Variants in SRRM2 observed in about 807,000 individuals in gnomAD.
SRRM2 encodes serine/arginine repetitive matrix 2.
SRRM2 carries 30 observed loss-of-function variants against 213.8 expected under a neutral mutation model. That is an observed-to-expected ratio of 0.14 (90% CI 0.10 to 0.19). The LOEUF is 0.19. SRRM2 is among the 10% of genes least tolerant of loss of function. The pLI is 1.00. For missense variants in SRRM2, 4,904 were observed against 3,647.0 expected (o/e 1.34, Z -8.88); for synonymous variants, 2,025 against 1,377.7 (o/e 1.47, Z -10.40).
rs755369199 is a variant in SRRM2, at chr16:2,764,631, C to G, written c.4103C>G (p.Ser1368Cys). ...PFLNQLETDPSLDMKEQSTRS... is the reference protein window; with the variant it reads ...PFLNQLETDPCLDMKEQSTRS... ...CTTAATCAGCTGGAAACAGATCCAT[C>G]TCTAGACATGAAAGAACAATCGACA... Residue 1368 changes from serine to cysteine, a missense_variant, in exon 11 of 15, where the codon TCT becomes TGT. Ser to Cys is a moderately radical substitution (Grantham distance 112). Coordinates refer to ENST00000301740, the MANE Select transcript of SRRM2 (RefSeq NM_016333.4). 29 of 1,614,082 alleles carry G rather than the reference C, an allele frequency of 1.8e-5. No homozygotes were observed. Among genetic ancestry groups the G allele is most frequent in the Admixed American group, 1.0e-4 (6 of 60,004 alleles).
chr16:2,771,353 T>C lies in SRRM2; in HGVS notation c.*486T>C. 6.3e-7 allele frequency: 1 copy of C among 1,582,110 alleles called. No homozygotes were observed. The highest frequency in any genetic ancestry group is 8.7e-7 in the Non-Finnish European group (1 of 1,153,078). Reference sequence around the variant, plus strand: ...ATGTTTCTTAAAGGCATTTTGGTTTTTTAAAATCTGTACAGCAAGAGCAAC... The same window carrying C: ...ATGTTTCTTAAAGGCATTTTGGTTTCTTAAAATCTGTACAGCAAGAGCAAC... On this transcript the variant is annotated 3_prime_UTR_variant, in exon 15 of 15. Coordinates refer to ENST00000301740, the MANE Select transcript of SRRM2 (RefSeq NM_016333.4).
rs1488953875 is a variant in SRRM2, at chr16:2,763,673, T to A, written c.3145T>A (p.Tyr1049Asn). The A allele has an allele frequency of 1.2e-6, 2 of 1,614,100 alleles. No individual in the cohort carries two copies. Among genetic ancestry groups the A allele is most frequent in the Admixed American group, 3.3e-5 (2 of 60,004 alleles). ...ATCTAGCACACCACCAGGCGAGAGC[T>A]ATTTTGGTGTCTCATCTCTGCAACT... ...VKSSTPPGES[Y>N]FGVSSLQLKG... Residue 1049 changes from tyrosine to asparagine, a missense_variant, in exon 11 of 15, where the codon TAT becomes AAT. Tyr to Asn is a moderately radical substitution (Grantham distance 143). Coordinates refer to ENST00000301740, the MANE Select transcript of SRRM2 (RefSeq NM_016333.4).
rs368008330 is a variant in SRRM2, at chr16:2,765,422, C to T, written c.4894C>T (p.Leu1632Phe). 5.0e-6 allele frequency: 8 copies of T among 1,614,054 alleles called. No individual in the cohort carries two copies. The African/African-American group carries it at 8.0e-5, about 16-fold the overall frequency. Residue 1632 changes from leucine to phenylalanine, a missense_variant, in exon 11 of 15, where the codon CTT becomes TTT. By Grantham distance (22) the Leu-to-Phe change is conservative. Transcript: ENST00000301740. ...ACCTAAAGCTCCAGCCCCTCGGGCC[C>T]TTCCCAGACGAAGCAGATCAGGTTC... is the stretch of plus-strand genomic sequence containing the variant. ...PEPKAPAPRA[L>F]PRRSRSGSSS...
rs372217649 is a variant in SRRM2, at chr16:2,761,681, C to G, written c.1153C>G (p.Pro385Ala). 1.2e-6 allele frequency: 2 copies of G among 1,601,430 alleles called. No individual in the cohort carries two copies. Among genetic ancestry groups the G allele is most frequent in the Non-Finnish European group, 1.7e-6 (2 of 1,173,950 alleles). Reference protein sequence around the residue: ...GGSPQPLATTPLSQEPVNPPS... With the variant: ...GGSPQPLATTALSQEPVNPPS... ...CTCCCCACAACCCCTTGCAACCACC[C>G]CCTTAAGCCAGGAGCCAGTGAACCC... Residue 385 changes from proline (P) to alanine (A), a missense_variant, in exon 11 of 15, where the codon CCC (proline) becomes GCC (alanine). Transcript: ENST00000301740.
chr16:2,753,485 CTG>C (rs1291152291), intron 1 of SRRM2: 5 of 152,140 alleles, frequency 3.3e-5, no homozygotes, highest in East Asian at 1.9e-4. Context: ...ATCTTAAAAA[CTG>C]TGAAGAAAGT....
Position 2,763,692 on chromosome 16 carries a change from T to C in SRRM2, c.3164T>C (p.Leu1055Pro), listed in dbSNP as rs1308620020. The change falls in exon 11 of 15, where the codon CTG (leucine) becomes CCG (proline). Residue 1055 changes from leucine to proline, a missense_variant. Coordinates refer to ENST00000301740, the MANE Select transcript of SRRM2 (RefSeq NM_016333.4). ...GAGAGCTATTTTGGTGTCTCATCTC[T>C]GCAACTGAAAGGACAATCTCAAACT... ...PGESYFGVSS[L>P]QLKGQSQTSP... is the part of the protein sequence containing the mutation. The C allele has an allele frequency of 1.2e-6, 2 of 1,614,100 alleles. No homozygotes were observed. The highest frequency in any genetic ancestry group is 1.7e-6 in the Non-Finnish European group (2 of 1,180,052).
At chr16:2,755,138 G>A (rs916053865) in intron 1 of SRRM2, among the ~76,000 whole-genome samples, 1 of 152,130 alleles carries the variant, frequency 6.6e-6, no homozygotes, top group African/African-American at 2.4e-5. Context: ...AGAGGATGAG[G>A]GTGAGAAAGA....
At chr16:2,758,412 G>C (rs2068224440) in intron 4 of SRRM2, 58 bp from the exon 5 acceptor site, 6 of 1,386,860 alleles carry the variant, frequency 4.3e-6, no homozygotes, top group Non-Finnish European at 4.1e-6. Flanking sequence ...GTCTTTTAAA[G>C]AAAAGAAAGG....
intron 10 of SRRM2, among the ~76,000 whole-genome samples, chr16:2,761,234 C>A (rs983454082): frequency 3.9e-5 from 6 of 152,186 alleles, no homozygotes. Flanking sequence ...AGTTGCCATT[C>A]GCTTTAGGAA....
At position 2,758,467 on chromosome 16, in the gene SRRM2, T is replaced by C. The variant is rs756222388; in HGVS notation, c.516-3T>C. The C allele has an allele frequency of 5.0e-6, 8 of 1,613,510 alleles. No individual in the cohort carries two copies. In the African/African-American group the frequency reaches 5.3e-5, roughly 11 times the overall value. The stretch of plus-strand genomic sequence containing the variant: ...ATCTCTGCTGCTTTTCATTTTTCCC[T>C]AGCCTTGTTCGGGAGTCTAGCAGTT... On this transcript the variant is annotated splice_region_variant and splice_polypyrimidine_tract_variant and intron_variant, in intron 4 of 14. Coordinates refer to ENST00000301740, the MANE Select transcript of SRRM2 (RefSeq NM_016333.4).
In SRRM2 at chr16:2,764,936, C is replaced by T. The variant is rs374892086; in HGVS notation, c.4408C>T (p.Pro1470Ser). 5.2e-5 allele frequency: 84 copies of T among 1,614,018 alleles called. No individual in the cohort carries two copies. Among genetic ancestry groups the T allele is most frequent in the Non-Finnish European group, 6.8e-5 (80 of 1,180,034 alleles). The change falls in exon 11 of 15, where the codon CCT becomes TCT. Residue 1470 changes from proline (P) to serine (S), a missense_variant. Coordinates refer to ENST00000301740, the MANE Select transcript of SRRM2 (RefSeq NM_016333.4). ...GTCCTCTCCTGGAATGAAAGATATA[C>T]CTAGAACGCCATCTAGAGGGAGAAG... ...SGSSPGMKDI[P>S]RTPSRGRSEC...
chr16:2,763,899 G>T lies in SRRM2; in HGVS notation c.3371G>T (p.Ser1124Ile), dbSNP rs2068450329. The T allele has an allele frequency of 6.2e-7, 1 of 1,614,096 alleles. No homozygotes were observed. The highest frequency in any genetic ancestry group is 1.3e-5 in the African/African-American group (1 of 74,934). ...IRQDRGEFSA[S>I]PMLKSGMSPE... is the part of the protein sequence containing the mutation. ...CAAGATAGAGGTGAGTTCTCAGCGA[G>T]TCCTATGTTGAAATCTGGAATGTCT... is the stretch of plus-strand genomic sequence containing the variant. Residue 1124 changes from serine to isoleucine, a missense_variant, in exon 11 of 15, where the codon AGT becomes ATT. Physicochemically the swap from Ser to Ile is moderately radical, Grantham distance 142 (BLOSUM62 -2). Transcript: ENST00000301740.
At chr16:2,770,066 C>T (rs1262500499) in intron 12 of SRRM2, 4 of 1,191,384 alleles carry the variant, frequency 3.4e-6, no homozygotes, top group East Asian at 5.9e-5. Flanking sequence ...GCACATCCAG[C>T]CCTGCTTCCC....
Position 2,771,118 on chromosome 16 carries a change from G to C in SRRM2, c.*251G>C, listed in dbSNP as rs1420514559. The C allele has an allele frequency of 1.5e-5, 9 of 608,624 alleles. No homozygotes were observed. The highest frequency in any genetic ancestry group is 3.7e-5 in the African/African-American group (2 of 53,722). 37.7% of individuals were successfully genotyped at this position (608,624 alleles called of 1,614,324 possible). A position where few individuals can be genotyped will look rare whatever the true frequency, so the allele number is the denominator to read the frequency against. On this transcript the variant is annotated 3_prime_UTR_variant, in exon 15 of 15. Transcript: ENST00000301740. ...GAGGGAATGCAGATGGGAGTTGGGG[G>C]AGGGGAGGATACAGTTCAGGATACC...
At position 2,762,361 on chromosome 16, in the gene SRRM2, G is replaced by A. The variant is rs372017967; in HGVS notation, c.1833G>A (p.Arg611=). 1.2e-6 allele frequency: 2 copies of A among 1,610,620 alleles called. No individual in the cohort carries two copies. The highest frequency in any genetic ancestry group is 1.7e-6 in the Non-Finnish European group (2 of 1,178,584). Residue 611 remains arginine (R), a synonymous_variant, in exon 11 of 15, where the codon CGG becomes CGA. Coordinates refer to ENST00000301740, the MANE Select transcript of SRRM2 (RefSeq NM_016333.4). ...RRRSRSRTPA[R]RGRSRSRTPA... ...GGTCTCGGTCTAGAACACCAGCCCGGAGGGGCAGGTCTCGGTCTAGAACAC... is the reference window on the plus strand; with the variant it reads ...GGTCTCGGTCTAGAACACCAGCCCGAAGGGGCAGGTCTCGGTCTAGAACAC...
At chr16:2,756,656 G>A (rs781513032) in intron 2 of SRRM2, 50 bp downstream of exon 2, 1 of 1,564,076 alleles carries the variant, frequency 6.4e-7, no homozygotes, top group Non-Finnish European at 8.7e-7. Flanking sequence ...GCAGAGCTGG[G>A]GGTGTTAGGT....
In SRRM2 at chr16:2,768,021, C is replaced by A; in HGVS notation, c.7493C>A (p.Ala2498Asp). 1.2e-6 allele frequency: 2 copies of A among 1,614,166 alleles called. No homozygotes were observed. The highest frequency in any genetic ancestry group is 1.7e-6 in the Non-Finnish European group (2 of 1,180,014). ...CACAATGGCATGCTCTCTGTCCCTG[C>A]CCCTGGGGTGCCCCACTCTGATGTG... ...GDHNGMLSVP[A>D]PGVPHSDVGE... Residue 2498 changes from alanine (A) to aspartate (D), a missense_variant, in exon 11 of 15, where the codon GCC becomes GAC. Ala to Asp is a moderately radical substitution (Grantham distance 126). Coordinates refer to ENST00000301740, the MANE Select transcript of SRRM2 (RefSeq NM_016333.4).
At chr16:2,759,079 A>G (rs374606227) in intron 6 of SRRM2, 32 bp downstream of exon 6, 19 of 1,614,134 alleles carry the variant, frequency 1.2e-5, no homozygotes, top group Middle Eastern at 3.3e-4. Flanking sequence ...ATGACTGGAG[A>G]AGGTTTGCTG....
Position 2,765,327 on chromosome 16 carries a change from C to T in SRRM2, c.4799C>T (p.Ser1600Phe), listed in dbSNP as rs931617727. The T allele has an allele frequency of 1.2e-6, 2 of 1,613,990 alleles. No individual in the cohort carries two copies. The highest frequency in any genetic ancestry group is 2.7e-5 in the African/African-American group (2 of 74,878). ...TCCCCTCGGCGCAGTAGGTCTGGTTCCTCCCCTGAAGTGAAAGATAAGCCA... is the reference window on the plus strand; with the variant it reads ...TCCCCTCGGCGCAGTAGGTCTGGTTTCTCCCCTGAAGTGAAAGATAAGCCA... ...RLSPRRSRSG[S>F]SPEVKDKPRA... is the part of the protein sequence containing the mutation. Residue 1600 changes from serine to phenylalanine, a missense_variant, in exon 11 of 15, where the codon TCC becomes TTC. By Grantham distance (155) the Ser-to-Phe change is radical. Transcript: ENST00000301740.
Sources: gnomAD v4.1 joint callset for allele counts (sites outside exome capture counted in the v4.1 genomes callset) on GRCh38, gnomAD v4.1.1 for gene constraint, MANE v1.5 for transcripts, NCBI Gene and HGNC (gene_info 2026-07-23, HGNC 2026-07-21) for gene names.